ZNF69: variants seen among roughly 807,000 people sequenced by gnomAD.
ZNF69 encodes the protein ZNF3.
A neutral mutation model predicts 50.9 loss-of-function variants in ZNF69; 47 were observed. That is an observed-to-expected ratio of 0.92 (90% CI 0.73 to 1.18). ZNF69 has a LOEUF of 1.18. Among genes scored for constraint, ZNF69 ranks in the 50% most tolerant of loss-of-function variants. The pLI, the probability that ZNF69 is intolerant of heterozygous loss-of-function variation, is 0.00. For missense variants in ZNF69, 717 were observed against 675.1 expected (o/e 1.06, Z -0.69); for synonymous variants, 216 against 223.1 (o/e 0.97, Z 0.29).
At chr19:11,937,729 C>A in the ZNF69 span, among the ~76,000 whole-genome samples, 3 of 151,942 alleles carry the variant, frequency 2.0e-5, no homozygotes, top group Non-Finnish European at 2.9e-5. Flanking sequence ...ACCTCATGAT[C>A]TGCCTGCCTC....
At chr19:11,977,348 A>T in the ZNF69 span, 1 of 1,613,288 alleles carries the variant, frequency 6.2e-7, no homozygotes, top group Non-Finnish European at 8.5e-7. Flanking sequence ...CTTCAGGACT[A>T]CTTTTCTGTG....
the ZNF69 span, among the ~76,000 whole-genome samples, chr19:11,967,762 T>C: frequency 6.6e-5 from 10 of 151,828 alleles, no homozygotes; most frequent in African/African-American, 2.4e-4. Flanking sequence ...TGTTACAGAG[T>C]AGGGCATCCT....
the ZNF69 span, among the ~76,000 whole-genome samples, chr19:11,925,651 C>T: frequency 6.6e-6 from 1 of 152,184 alleles, no homozygotes; most frequent in African/African-American, 2.4e-5. Flanking sequence ...GGCCCCCAGT[C>T]CCCACTTTCT....
the ZNF69 span, among the ~76,000 whole-genome samples, chr19:11,959,829 G>A: frequency 3.9e-5 from 6 of 152,048 alleles, no homozygotes; most frequent in South Asian, 2.1e-4. Flanking sequence ...TTTCATGCAC[G>A]TGTCTTTATT....
At chr19:11,920,865 A>G in the ZNF69 span, among the ~76,000 whole-genome samples, 34 of 152,098 alleles carry the variant, frequency 2.2e-4, no homozygotes, top group African/African-American at 7.0e-4. Context: ...TCTCATCTCC[A>G]TGTCATAATT....
the ZNF69 span, among the ~76,000 whole-genome samples, chr19:11,972,406 AT>A: frequency 6.6e-6 from 1 of 152,230 alleles, no homozygotes. Context: ...ACTGAGATTT[AT>A]TTTTGTATAA....
chr19:11,943,387 T>A, the ZNF69 span, among the ~76,000 whole-genome samples: 2 of 152,232 alleles, frequency 1.3e-5, no homozygotes, highest in African/African-American at 2.4e-5. Flanking sequence ...CTGGGTTTCT[T>A]ACCGGGCTAA....
intron 1 of ZNF69, among the ~76,000 whole-genome samples, chr19:11,895,879 A>G (rs1977213471): frequency 6.6e-6 from 1 of 152,190 alleles, no homozygotes; most frequent in Non-Finnish European, 1.5e-5. Flanking sequence ...CACCACTTGT[A>G]TCATTGGCTG....
At chr19:11,944,881 G>T in the ZNF69 span, among the ~76,000 whole-genome samples, 1 of 152,168 alleles carries the variant, frequency 6.6e-6, no homozygotes, top group Non-Finnish European at 1.5e-5. Context: ...GGCCTAGATG[G>T]GTGGTTTTAT....
chr19:11,980,201 G>A, the ZNF69 span: 1 of 478,326 alleles, frequency 2.1e-6, no homozygotes, highest in Non-Finnish European at 3.7e-6. Flanking sequence ...TCAATATGAT[G>A]AAACCCCTGT....
At chr19:11,925,826 T>G in the ZNF69 span, among the ~76,000 whole-genome samples, 1 of 152,232 alleles carries the variant, frequency 6.6e-6, no homozygotes, top group African/African-American at 2.4e-5. Context: ...GGAGAGACCT[T>G]GGCCGAGGGA....
chr19:11,949,791 G>A, the ZNF69 span: 1 of 1,613,324 alleles, frequency 6.2e-7, no homozygotes, highest in Non-Finnish European at 8.5e-7. Flanking sequence ...ACACTGGAGA[G>A]AAACCCTATG....
At chr19:11,917,226 G>C (rs867561957), downstream of ZNF69, among the ~76,000 whole-genome samples, 2 of 152,138 alleles carry the variant, frequency 1.3e-5, no homozygotes, top group Non-Finnish European at 2.9e-5. Flanking sequence ...AGAATTGATT[G>C]GTGTTCAGCA....
At chr19:11,964,306 C>A in the ZNF69 span, among the ~76,000 whole-genome samples, 1 of 152,130 alleles carries the variant, frequency 6.6e-6, no homozygotes, top group Non-Finnish European at 1.5e-5. Context: ...ACCTCTGGAG[C>A]CTGGGGCTGT....
chr19:11,979,719 A>G, the ZNF69 span: 14 of 1,600,018 alleles, frequency 8.7e-6, no homozygotes, highest in East Asian at 2.9e-4. Flanking sequence ...TACGAGTGTA[A>G]GCAATGTGGG....
At chr19:11,950,750 G>T in the ZNF69 span, 1 of 204,718 alleles carries the variant, frequency 4.9e-6, no homozygotes, top group Non-Finnish European at 1.0e-5. Flanking sequence ...ATATCCCATT[G>T]GTTTTATGTA....
chr19:11,943,675 C>A, the ZNF69 span, among the ~76,000 whole-genome samples: 1 of 152,156 alleles, frequency 6.6e-6, no homozygotes, highest in African/African-American at 2.4e-5. Flanking sequence ...TTTAAAGTTC[C>A]TAGGCATTCA....
At chr19:11,908,765 G>C (rs1387195699), downstream of ZNF69, among the ~76,000 whole-genome samples, 1 of 152,170 alleles carries the variant, frequency 6.6e-6, no homozygotes, top group Non-Finnish European at 1.5e-5. Flanking sequence ...AAAAGAACTA[G>C]AGAGGCAAGA....
the ZNF69 span, among the ~76,000 whole-genome samples, chr19:11,943,701 C>A: frequency 0.62 from 94,949 of 152,004 alleles, 30,726 homozygotes; most frequent in African/African-American, 0.8. Flanking sequence ...ACTAGAAAAC[C>A]GAAAGATTGT....
Sources: allele counts gnomAD v4.1 joint callset (sites outside exome capture counted in the v4.1 genomes callset), GRCh38; gene constraint gnomAD v4.1.1; transcripts MANE v1.5; gene names NCBI Gene and HGNC (gene_info 2026-07-23, HGNC 2026-07-21).